SLC6A4: variants seen among roughly 807,000 people sequenced by gnomAD.
SLC6A4 encodes solute carrier family 6 member 4.
Under a neutral mutation model 73.4 loss-of-function variants are expected in SLC6A4, and 22 were observed. The observed-to-expected ratio is 0.30, with a 90% CI of 0.21 to 0.43. SLC6A4 has a LOEUF of 0.43. SLC6A4 is among the 20% of genes least tolerant of loss of function. The probability of loss-of-function intolerance (pLI) is 1.00; values close to 1 mark genes in which losing one functional copy is unlikely to be tolerated. For synonymous variants in SLC6A4, 270 were observed against 315.5 expected (o/e 0.86, Z 1.53); for missense variants, 593 against 808.5 (o/e 0.73, Z 3.23).
rs200859112 is a variant in SLC6A4 at position 30,197,311 on chromosome 17, G to C, written c.*1145C>G. 1 of 152,394 alleles carries C rather than the reference G, an allele frequency of 6.6e-6. No homozygotes were observed. The highest frequency in any genetic ancestry group is 1.5e-5 in the Non-Finnish European group (1 of 68,076). The allele number at this position is 152,394 out of a possible 1,614,324, so 9.4% of individuals were successfully genotyped here. On this transcript the variant is annotated 3_prime_UTR_variant, in exon 15 of 15. Transcript: ENST00000650711. ...CAGCGAGCGGCGAGGTCCACGTAAGGCTAACCCAGACTCTCCAACTGCTCT... is the reference window on the plus strand; with the variant it reads ...CAGCGAGCGGCGAGGTCCACGTAAGCCTAACCCAGACTCTCCAACTGCTCT...
chr17:30,218,168 G>A lies in SLC6A4; in HGVS notation c.648C>T (p.Asp216=). The change falls in exon 5 of 15, where the codon GAC becomes GAT. Residue 216 remains aspartate, a synonymous_variant. Transcript: ENST00000650711. The part of the protein sequence containing the change: ...TGNCTNYFSE[D]NITWTLHSTS... ...TGGAATGGAGGGTCCAGGTGATGTTGTCCTCGGAGAAGTAATTGGTGCAGT... is the reference window on the plus strand; with the variant it reads ...TGGAATGGAGGGTCCAGGTGATGTTATCCTCGGAGAAGTAATTGGTGCAGT... 2 of 1,614,214 alleles carry A rather than the reference G, an allele frequency of 1.2e-6. No individual in the cohort carries two copies. The highest frequency in any genetic ancestry group is 1.7e-6 in the Non-Finnish European group (2 of 1,180,036).
chr17:30,200,096 T>C (rs1289883334), intron 14 of SLC6A4, among the ~76,000 whole-genome samples: 2 of 152,194 alleles, frequency 1.3e-5, no homozygotes, highest in East Asian at 1.9e-4. Flanking sequence ...GCTATCACCA[T>C]AGCTCAGAGA....
chr17:30,221,742 C>A lies in SLC6A4; in HGVS notation c.217G>T (p.Glu73Ter). 1.9e-6 allele frequency: 3 copies of A among 1,614,196 alleles called. No individual in the cohort carries two copies. Among genetic ancestry groups the A allele is most frequent in the Non-Finnish European group, 2.5e-6 (3 of 1,180,026 alleles). The change falls in exon 3 of 15, where the codon GAG (glutamate) becomes TAG (stop). Residue 73 changes from glutamate to a stop codon, truncating the protein, a stop_gained. Coordinates refer to ENST00000650711, the MANE Select transcript of SLC6A4 (RefSeq NM_001045.6). LOFTEE classifies it high-confidence loss of function. The stretch of plus-strand genomic sequence containing the variant: ...GTCTCCCGTTCCCCTTGATGAAGCT[C>A]AGCCACTAGGGTGGTGGTGGTCGCT... ...IPATTTTLVA[E>*]LHQGERETWG...
intron 14 of SLC6A4, among the ~76,000 whole-genome samples, chr17:30,200,073 T>G (rs1905985254): frequency 6.6e-6 from 1 of 152,074 alleles, no homozygotes; most frequent in Non-Finnish European, 1.5e-5. Context: ...TATTAGAACT[T>G]GTCTTAAGTG....
At chr17:30,212,953 T>G in intron 8 of SLC6A4, 86 bp from the exon 9 acceptor site, 1 of 1,440,746 alleles carries the variant, frequency 6.9e-7, no homozygotes, top group Non-Finnish European at 9.6e-7. Context: ...TGCCCTGCCT[T>G]AGACAGGGCG....
intron 1 of SLC6A4, among the ~76,000 whole-genome samples, chr17:30,230,566 G>A (rs1420521420): frequency 6.6e-6 from 1 of 152,182 alleles, no homozygotes; most frequent in Admixed American, 6.5e-5. Flanking sequence ...CCAGGGAGAG[G>A]GTGCTATGAA....
At chr17:30,203,637 C>T (rs1906102521) in intron 13 of SLC6A4, 2 of 366,018 alleles carry the variant, frequency 5.5e-6, no homozygotes, top group Non-Finnish European at 1.0e-5. Flanking sequence ...CCTGCAGCTC[C>T]CACTTCAGCA....
At chr17:30,203,150 A>G (rs1401227779) in intron 14 of SLC6A4, 22 bp downstream of exon 14, 1 of 1,584,422 alleles carries the variant, frequency 6.3e-7, no homozygotes. Flanking sequence ...ACACACACAT[A>G]TACACACTAA....
intron 14 of SLC6A4, 93 bp downstream of exon 14, chr17:30,203,079 T>A (rs976113613): frequency 6.5e-6 from 7 of 1,069,108 alleles, no homozygotes; most frequent in Admixed American, 2.1e-5. Context: ...TCCTGGTGAA[T>A]CTCATTTTGA....
chr17:30,214,736 C>T (rs1015761359), intron 8 of SLC6A4, among the ~76,000 whole-genome samples: 1 of 150,928 alleles, frequency 6.6e-6, no homozygotes, highest in Admixed American at 6.6e-5. Flanking sequence ...GGGTTCACGC[C>T]ATTCTCCTGT....
intron 3 of SLC6A4, 109 bp from the exon 4 acceptor site, chr17:30,219,040 C>A: frequency 7.4e-7 from 1 of 1,348,766 alleles, no homozygotes; most frequent in Non-Finnish European, 1.0e-6. Flanking sequence ...GTGTCAGGAG[C>A]CACCCTGGGC....
chr17:30,219,018 C>G (rs781538225), intron 3 of SLC6A4, 87 bp from the exon 4 acceptor site: 1 of 1,531,062 alleles, frequency 6.5e-7, no homozygotes, highest in Non-Finnish European at 9.0e-7. Flanking sequence ...TCACAGTCGC[C>G]GGATGATGTG....
chr17:30,218,031 C>T (rs1037932660), intron 5 of SLC6A4, 87 bp downstream of exon 5: 4 of 1,026,088 alleles, frequency 3.9e-6, no homozygotes, highest in Non-Finnish European at 6.0e-6. Context: ...GTGAGGAGCC[C>T]TTGGCCCTGG....
rs544236344 is a variant in SLC6A4 at position 30,207,797 on chromosome 17, G to A, written c.1585C>T (p.Leu529Phe). Residue 529 changes from leucine to phenylalanine, a missense_variant, in exon 13 of 15, where the codon CTC (leucine) becomes TTC (phenylalanine). Coordinates refer to ENST00000650711, the MANE Select transcript of SLC6A4 (RefSeq NM_001045.6). The part of the protein sequence containing the change: ...TQFCRDVKEM[L>F]GFSPGWFWRI... ...CAGAACCACCCCGGGCTGAAGCCGA[G>A]CATTTCCTTCACGTCCCTGCAGAAC... The A allele has an allele frequency of 6.2e-7, 1 of 1,614,110 alleles. No homozygotes were observed. The highest frequency in any genetic ancestry group is 1.3e-5 in the African/African-American group (1 of 75,034).
At chr17:30,229,592 A>T (rs1414454927) in intron 1 of SLC6A4, among the ~76,000 whole-genome samples, 1 of 152,106 alleles carries the variant, frequency 6.6e-6, no homozygotes, top group East Asian at 1.9e-4. Context: ...TTTAAAATAC[A>T]CAGTAGAGAT....
intron 14 of SLC6A4, among the ~76,000 whole-genome samples, chr17:30,200,842 G>A (rs1023517705): frequency 1.3e-5 from 2 of 151,992 alleles, no homozygotes; most frequent in Admixed American, 6.6e-5. Flanking sequence ...GCAGTGGCTC[G>A]ATGATCTCAG....
chr17:30,207,891 T>C, intron 12 of SLC6A4, 59 bp from the exon 13 acceptor site: 1 of 1,244,494 alleles, frequency 8.0e-7, no homozygotes, highest in Admixed American at 1.8e-5. Context: ...GCTGTGCTGC[T>C]GTGCCCTGAT....
At chr17:30,219,968 G>C (rs996113620) in intron 3 of SLC6A4, among the ~76,000 whole-genome samples, 11 of 152,296 alleles carry the variant, frequency 7.2e-5, no homozygotes, top group African/African-American at 2.6e-4. Context: ...GCTTTACGCT[G>C]GGGAATGAGT....
At chr17:30,210,150 G>A (rs1395882222) in intron 11 of SLC6A4, among the ~76,000 whole-genome samples, 2 of 151,988 alleles carry the variant, frequency 1.3e-5, no homozygotes, top group Admixed American at 6.5e-5. Context: ...GAGACCAAGC[G>A]GCATTACACA....
Sources: gnomAD v4.1 joint callset for allele counts (sites outside exome capture counted in the v4.1 genomes callset) on GRCh38, gnomAD v4.1.1 for gene constraint, MANE v1.5 for transcripts, NCBI Gene and HGNC (gene_info 2026-07-23, HGNC 2026-07-21) for gene names.